Variants in HSPG2 observed in about 807,000 individuals in gnomAD.
HSPG2 encodes the protein heparan sulfate proteoglycan 2.
Under a neutral mutation model 526.6 loss-of-function variants are expected in HSPG2, and 278 were observed. The ratio of observed to expected loss-of-function variants is 0.53; its 90% CI spans 0.48 to 0.58. The LOEUF is 0.58. HSPG2 is among the 20% of genes least tolerant of loss of function. The pLI is 0.00. For missense variants in HSPG2, 5,354 were observed against 6,099.5 expected (o/e 0.88, Z 4.07); for synonymous variants, 2,465 against 2,555.4 (o/e 0.96, Z 1.07).
intron 91 of HSPG2, among the ~76,000 whole-genome samples, chr1:21,826,447 G>C (rs1263518163): frequency 6.6e-6 from 1 of 151,522 alleles, no homozygotes; most frequent in Non-Finnish European, 1.5e-5. Context: ...CAAGCAATCT[G>C]CCCGCCACAG....
chr1:21,841,724 G>A (rs749891274), intron 69 of HSPG2, 51 bp from the exon 70 acceptor site: 20 of 1,607,818 alleles, frequency 1.2e-5, no homozygotes, highest in Admixed American at 1.7e-5. Context: ...GGTCCTTCTC[G>A]TGTCTTGGTG....
chr1:21,826,521 T>C (rs2097975262), intron 91 of HSPG2, among the ~76,000 whole-genome samples: 1 of 151,584 alleles, frequency 6.6e-6, no homozygotes, highest in African/African-American at 2.4e-5. Context: ...GTATTTTTTT[T>C]TGAGAGGGAG....
rs1640705645 is a variant in HSPG2 at position 21,872,229 on chromosome 1, T to A, written c.4178A>T (p.Glu1393Val). Reference sequence around the variant, plus strand: ...CTCCGGCAGCTGCCAGTAGAAGGACTCATGGCCGAGTTGGGCAAAGTTGCC... The same window carrying A: ...CTCCGGCAGCTGCCAGTAGAAGGACACATGGCCGAGTTGGGCAAAGTTGCC... ...SFGNFAQLGH[E>V]SFYWQLPETY... The change falls in exon 33 of 97, where the codon GAG becomes GTG. Residue 1393 changes from glutamate (E) to valine (V), a missense_variant. Coordinates refer to ENST00000374695, the MANE Select transcript of HSPG2 (RefSeq NM_005529.7). This position sits in a 1 kb window ranked among gnomAD's most constrained non-coding sequence, Gnocchi z 5.5. 1.3e-6 allele frequency: 2 copies of A among 1,552,366 alleles called. No homozygotes were observed. The highest frequency in any genetic ancestry group is 1.7e-6 in the Non-Finnish European group (2 of 1,147,330).
rs368671914 is a variant in HSPG2, at chr1:21,859,682, G to T, written c.5183-6C>A. Reference sequence around the variant, plus strand: ...GGGGAAGTGGAGCTCGGAGCCTGGTGGGGAGGAGACAAGAGCTTGTTGGTG... The same window carrying T: ...GGGGAAGTGGAGCTCGGAGCCTGGTTGGGAGGAGACAAGAGCTTGTTGGTG... On this transcript the variant is annotated splice_region_variant and splice_polypyrimidine_tract_variant and intron_variant, in intron 41 of 96. Coordinates refer to ENST00000374695, the MANE Select transcript of HSPG2 (RefSeq NM_005529.7). This position sits in a 1 kb window ranked among gnomAD's most constrained non-coding sequence, Gnocchi z 5.3. 6.9e-5 allele frequency: 110 copies of T among 1,603,928 alleles called. 1 individual carries two copies. Among genetic ancestry groups the T allele is most frequent in the Non-Finnish European group, 8.0e-5 (94 of 1,175,288 alleles).
intron 3 of HSPG2, among the ~76,000 whole-genome samples, chr1:21,891,411 G>A (rs1052247057): frequency 2.6e-4 from 39 of 152,168 alleles, no homozygotes; most frequent in Admixed American, 2.6e-3. Flanking sequence ...GCATCACCTG[G>A]CACACAGCAA....
chr1:21,849,623 A>T (rs1213636239), intron 57 of HSPG2, among the ~76,000 whole-genome samples: 3 of 152,244 alleles, frequency 2.0e-5, no homozygotes, highest in Non-Finnish European at 4.4e-5. Flanking sequence ...GCCTAAAGTC[A>T]CACAGCATGC....
chr1:21,857,103 G>A lies in HSPG2; in HGVS notation c.5487C>T (p.Asn1829=), dbSNP rs78284745. ...AGGTGCCTGCATCACTCAGCTGGACGTTGCGAATGGTCAGGATGCCATTGA... is the reference window on the plus strand; with the variant it reads ...AGGTGCCTGCATCACTCAGCTGGACATTGCGAATGGTCAGGATGCCATTGA... ...MDFNGILTIR[N]VQLSDAGTYV... The change falls in exon 44 of 97, where the codon AAC becomes AAT. Residue 1829 remains asparagine, a synonymous_variant. Transcript: ENST00000374695. The A allele has an allele frequency of 4.6e-5, 75 of 1,614,188 alleles. No individual in the cohort carries two copies. In the African/African-American group the frequency reaches 7.3e-4, roughly 16 times the overall value.
At chr1:21,846,677 G>GA (rs775096483) in intron 62 of HSPG2, 78 bp from the exon 63 acceptor site, 5 of 1,521,224 alleles carry the variant, frequency 3.3e-6, no homozygotes, top group Non-Finnish European at 4.6e-6. Context: ...CTCTGCCATA[G>GA]AAAATCTCAC....
rs574850370 is a variant in HSPG2, at chr1:21,839,198, T to C, written c.9890-113A>G. ...AATGGTGAGCCCAGAGGACTGGGGA[T>C]AAGGAAAGCAAAGGTCCCAGGCCAG... On this transcript the variant is annotated intron_variant, in intron 73 of 96. Coordinates refer to ENST00000374695, the MANE Select transcript of HSPG2 (RefSeq NM_005529.7). The surrounding 1 kb of genome is among the most constrained non-coding windows in gnomAD (Gnocchi z 4.5). 6 of 1,473,930 alleles carry C rather than the reference T, an allele frequency of 4.1e-6. No individual in the cohort carries two copies. In the East Asian group the frequency reaches 9.1e-5, roughly 22 times the overall value. 91.3% of individuals were successfully genotyped at this position (1,473,930 alleles called of 1,614,324 possible). A position where few individuals can be genotyped will look rare whatever the true frequency, so the allele number is the denominator to read the frequency against.
chr1:21,829,757 C>A (rs1413359966), intron 86 of HSPG2, 153 bp from the exon 87 acceptor site: 2 of 735,978 alleles, frequency 2.7e-6, no homozygotes, highest in Non-Finnish European at 4.4e-6. Context: ...GCACAGGAGC[C>A]CCCCTGCCCT....
chr1:21,865,573 G>T lies in HSPG2; in HGVS notation c.4314+144C>A. 1 of 875,718 alleles carries T rather than the reference G, an allele frequency of 1.1e-6. No individual in the cohort carries two copies. The highest frequency in any genetic ancestry group is 2.4e-5 in the East Asian group (1 of 40,870). The allele number at this position is 875,718 out of a possible 1,614,324, so 54.2% of individuals were successfully genotyped here. A position where few individuals can be genotyped will look rare whatever the true frequency, so the allele number is the denominator to read the frequency against. On this transcript the variant is annotated intron_variant, in intron 34 of 96. Transcript: ENST00000374695. This position sits in a 1 kb window ranked among gnomAD's most constrained non-coding sequence, Gnocchi z 5.4. Reference sequence around the variant, plus strand: ...TGCTTGGGTAGTGTCCAACCAGGCAGGGATGTGGGGGCATGGGCCTAACTC... The same window carrying T: ...TGCTTGGGTAGTGTCCAACCAGGCATGGATGTGGGGGCATGGGCCTAACTC...
chr1:21,843,523 C>T, intron 65 of HSPG2, 85 bp from the exon 66 acceptor site: 1 of 1,439,380 alleles, frequency 6.9e-7, no homozygotes, highest in African/African-American at 1.4e-5. Context: ...CTGGGACTGC[C>T]ATGCACAGAT....
intron 75 of HSPG2, 41 bp from the exon 76 acceptor site, chr1:21,835,678 A>G: frequency 6.8e-7 from 1 of 1,477,682 alleles, no homozygotes; most frequent in Non-Finnish European, 9.4e-7. Flanking sequence ...AGTTGAAAAC[A>G]ACTGATAGAA....
At chr1:21,914,594 G>A (rs924047141) in intron 1 of HSPG2, among the ~76,000 whole-genome samples, 1 of 152,164 alleles carries the variant, frequency 6.6e-6, no homozygotes, top group African/African-American at 2.4e-5. Flanking sequence ...AAAAGCGCAG[G>A]TGTCTGAGTC....
In HSPG2 at chr1:21,884,931, A is replaced by C; in HGVS notation, c.1356-13T>G. The C allele has an allele frequency of 6.2e-7, 1 of 1,613,930 alleles. No individual in the cohort carries two copies. Among genetic ancestry groups the C allele is most frequent in the Non-Finnish European group, 8.5e-7 (1 of 1,179,984 alleles). On this transcript the variant is annotated splice_polypyrimidine_tract_variant and intron_variant, in intron 11 of 96. Coordinates refer to ENST00000374695, the MANE Select transcript of HSPG2 (RefSeq NM_005529.7). ...GGTCACTGTCACCCTGGTGAGCCCC[A>C]AGACAAGTGGTAGGATCTGGCCTAG...
chr1:21,854,825 C>T, intron 48 of HSPG2, 23 bp downstream of exon 48: 1 of 1,613,350 alleles, frequency 6.2e-7, no homozygotes, highest in South Asian at 1.1e-5. Flanking sequence ...CTCCCCACCC[C>T]TCCATTCCCA....
chr1:21,926,988 G>A (rs1644213673), intron 1 of HSPG2, among the ~76,000 whole-genome samples: 1 of 152,144 alleles, frequency 6.6e-6, no homozygotes, highest in South Asian at 2.1e-4. Context: ...CCAGGAGGTG[G>A]GGGCCGGAGC....
intron 1 of HSPG2, among the ~76,000 whole-genome samples, chr1:21,907,452 A>T (rs1643438878): frequency 6.6e-6 from 1 of 152,126 alleles, no homozygotes; most frequent in South Asian, 2.1e-4. Context: ...CAGCAGCCTC[A>T]GGGCCACTCT....
Position 21,880,833 on chromosome 1 carries a change from C to A in HSPG2, c.1821G>T (p.Val607=). Residue 607 remains valine, a splice_region_variant and synonymous_variant, in exon 15 of 97, where the codon GTG becomes GTT. Coordinates refer to ENST00000374695, the MANE Select transcript of HSPG2 (RefSeq NM_005529.7). ...ALPEQFLGNK[V]DSYGGSLRYN... ...AACGCAGGGAGCCGCCATAGGAGTC[C>A]ACCTGGCACAACAGGGTGGATCAGC... 1 of 1,590,202 alleles carries A rather than the reference C, an allele frequency of 6.3e-7. No homozygotes were observed. Among genetic ancestry groups the A allele is most frequent in the Admixed American group, 1.8e-5 (1 of 56,860 alleles).
Sources: gnomAD v4.1 joint callset for allele counts (sites outside exome capture counted in the v4.1 genomes callset) on GRCh38, gnomAD v4.1.1 for gene constraint, Gnocchi (gnomAD v3.1) non-coding constraint, MANE v1.5 for transcripts, NCBI Gene and HGNC (gene_info 2026-07-23, HGNC 2026-07-21) for gene names.